The following SYN2 variants were observed in gnomAD, a reference collection of about 807,000 sequenced individuals.
The protein encoded by SYN2 is synapsin-2.
In SYN2, 19 loss-of-function variants were observed where a neutral mutation model predicts 50.9. The ratio of observed to expected loss-of-function variants is 0.37; its 90% CI spans 0.26 to 0.55. SYN2 has a LOEUF of 0.55. Ranked by LOEUF, SYN2 falls within the 20% of genes least tolerant of loss-of-function variation. The pLI is 0.81. For synonymous variants in SYN2, 255 were observed against 224.9 expected (o/e 1.13, Z -1.20); for missense variants, 587 against 576.4 (o/e 1.02, Z -0.19).
intron 1 of SYN2, chr3:12,070,823 A>ATCTT: frequency 1.7e-6 from 1 of 602,358 alleles, no homozygotes; most frequent in Non-Finnish European, 3.2e-6. Context: ...CTCACCGAGC[A>ATCTT]CAGCTACAGC....
At chr3:12,026,009 G>GA (rs1193459871) in intron 1 of SYN2, among the ~76,000 whole-genome samples, 1 of 152,184 alleles carries the variant, frequency 6.6e-6, no homozygotes, top group Non-Finnish European at 1.5e-5. Context: ...CCATGTGATA[G>GA]AAAGAGCTTA....
chr3:12,134,451 C>G (rs1696854739), intron 1 of SYN2, among the ~76,000 whole-genome samples: 1 of 152,204 alleles, frequency 6.6e-6, no homozygotes, highest in Admixed American at 6.5e-5. Context: ...TGCCCAGAGC[C>G]TCACCCAAGC....
At chr3:12,026,884 T>A (rs1694272545) in intron 1 of SYN2, among the ~76,000 whole-genome samples, 1 of 152,246 alleles carries the variant, frequency 6.6e-6, no homozygotes, top group South Asian at 2.1e-4. Context: ...AGTGTTTGGA[T>A]GTTAACTAAT....
chr3:12,163,553 G>C (rs73813140), intron 7 of SYN2, among the ~76,000 whole-genome samples: 5,158 of 152,080 alleles, frequency 0.034, 273 homozygotes, highest in African/African-American at 0.11. Context: ...TCCAGACTCT[G>C]AGTTCCTTGT....
At chr3:12,153,675 G>A in intron 5 of SYN2, 1 of 1,614,208 alleles carries the variant, frequency 6.2e-7, no homozygotes, top group South Asian at 1.1e-5. Context: ...CTCGTTAGGG[G>A]CCGAGATGGT....
At chr3:12,126,365 A>T (rs1280960221) in intron 1 of SYN2, among the ~76,000 whole-genome samples, 1 of 152,146 alleles carries the variant, frequency 6.6e-6, no homozygotes, top group African/African-American at 2.4e-5. Context: ...CTGCACCACC[A>T]CTGGGCAGTG....
chr3:12,186,426 G>C (rs1395097844), intron 11 of SYN2, among the ~76,000 whole-genome samples: 1 of 152,230 alleles, frequency 6.6e-6, no homozygotes, highest in Non-Finnish European at 1.5e-5. Context: ...AGATGGTTTA[G>C]TGTTTCATGC....
At chr3:12,045,509 G>A (rs1331218130) in intron 1 of SYN2, among the ~76,000 whole-genome samples, 4 of 152,170 alleles carry the variant, frequency 2.6e-5, no homozygotes, top group Non-Finnish European at 4.4e-5. Context: ...TTTGGAGGAT[G>A]GGGGATTCCG....
At chr3:12,118,727 T>C (rs1696487432) in intron 1 of SYN2, among the ~76,000 whole-genome samples, 5 of 152,148 alleles carry the variant, frequency 3.3e-5, no homozygotes. Flanking sequence ...TACCATCACC[T>C]TATTTATTGG....
At chr3:12,113,410 G>A (rs979763156) in intron 1 of SYN2, among the ~76,000 whole-genome samples, 22 of 152,166 alleles carry the variant, frequency 1.4e-4, no homozygotes, top group African/African-American at 2.6e-4. Flanking sequence ...GTTATGCTTC[G>A]AGAAAATTAG....
intron 10 of SYN2, among the ~76,000 whole-genome samples, chr3:12,179,508 TC>T (rs1698174667): frequency 6.6e-6 from 1 of 150,780 alleles, no homozygotes; most frequent in South Asian, 2.1e-4. Context: ...CTGAAATACC[TC>T]TCATGCCAGG....
At chr3:12,167,354 G>A in intron 8 of SYN2, 46 bp downstream of exon 8, 1 of 1,565,396 alleles carries the variant, frequency 6.4e-7, no homozygotes. Context: ...TGAGAGGGAG[G>A]CTTCCTTAGA....
intron 1 of SYN2, among the ~76,000 whole-genome samples, chr3:12,009,290 G>A (rs1005784462): frequency 6.6e-6 from 1 of 151,728 alleles, no homozygotes; most frequent in Non-Finnish European, 1.5e-5. Context: ...TTAGCTAATG[G>A]CAGAACCAGA....
chr3:12,062,141 A>G (rs1196069902), intron 1 of SYN2, among the ~76,000 whole-genome samples: 1 of 152,032 alleles, frequency 6.6e-6, no homozygotes, highest in African/African-American at 2.4e-5. Flanking sequence ...GTAGTTATCC[A>G]TGCAGTATGA....
intron 4 of SYN2, among the ~76,000 whole-genome samples, chr3:12,146,162 G>C (rs1697146547): frequency 6.6e-6 from 1 of 152,218 alleles, no homozygotes; most frequent in African/African-American, 2.4e-5. Flanking sequence ...AGGTCTGTAG[G>C]CTCTGCCCTT....
intron 1 of SYN2, among the ~76,000 whole-genome samples, chr3:12,053,553 C>A (rs1479489226): frequency 6.6e-6 from 1 of 152,152 alleles, no homozygotes; most frequent in Non-Finnish European, 1.5e-5. Flanking sequence ...ATCTATCAAA[C>A]ATAATTATTC....
chr3:12,158,351 C>A (rs558113608), intron 5 of SYN2, among the ~76,000 whole-genome samples: 1 of 152,278 alleles, frequency 6.6e-6, no homozygotes, highest in African/African-American at 2.4e-5. Context: ...AGTTACAATG[C>A]AAGCCCTCTC....
At chr3:12,189,936 T>G (rs1698415226) in intron 12 of SYN2, among the ~76,000 whole-genome samples, 1 of 152,160 alleles carries the variant, frequency 6.6e-6, no homozygotes, top group African/African-American at 2.4e-5. Context: ...AGATCTTCAT[T>G]TTACCAAACT....
chr3:12,007,546 C>T (rs1693824816), intron 1 of SYN2, among the ~76,000 whole-genome samples: 1 of 152,138 alleles, frequency 6.6e-6, no homozygotes, highest in Admixed American at 6.5e-5. Flanking sequence ...AATTGTCTCA[C>T]AGTTTAAGCT....
Sources: allele counts gnomAD v4.1 joint callset (sites outside exome capture counted in the v4.1 genomes callset), GRCh38; gene constraint gnomAD v4.1.1; transcripts MANE v1.5; gene names NCBI Gene and HGNC (gene_info 2026-07-23, HGNC 2026-07-21).